Variants in NCF2 observed in about 807,000 individuals in gnomAD.
NCF2 encodes the protein neutrophil cytosolic factor 2, also known as neutrophil cytosol factor 2.
Under a neutral mutation model 70.9 loss-of-function variants are expected in NCF2, and 45 were observed. The observed-to-expected ratio is 0.63, with a 90% CI of 0.50 to 0.81. The LOEUF is 0.81. Among genes scored for constraint, NCF2 ranks in the 40% least tolerant of loss-of-function variants. The probability of loss-of-function intolerance (pLI) is 0.00; values close to 1 mark genes in which losing one functional copy is unlikely to be tolerated. For synonymous variants in NCF2, 203 were observed against 233.6 expected (o/e 0.87, Z 1.19); for missense variants, 522 against 631.6 (o/e 0.83, Z 1.86).
At chr1:183,578,172 C>A (rs1225121722) in intron 2 of NCF2, among the ~76,000 whole-genome samples, 1 of 152,100 alleles carries the variant, frequency 6.6e-6, no homozygotes, top group Non-Finnish European at 1.5e-5. Context: ...TTGGAGGGGC[C>A]CCTTCTTATA....
upstream of NCF2, among the ~76,000 whole-genome samples, chr1:183,593,964 A>G (rs1349321981): frequency 6.6e-6 from 1 of 152,242 alleles, no homozygotes; most frequent in African/African-American, 2.4e-5. Flanking sequence ...TTTCTCTACT[A>G]GACAGCATTG....
intron 14 of NCF2, among the ~76,000 whole-genome samples, chr1:183,557,045 A>G (rs902728224): frequency 7.2e-5 from 11 of 152,250 alleles, no homozygotes; most frequent in Admixed American, 3.9e-4. Context: ...GCTCCTACTC[A>G]GAGCCTTTAA....
chr1:183,565,749 C>T lies in NCF2; in HGVS notation c.955G>A (p.Ala319Thr), dbSNP rs1211226964. 3 of 1,613,010 alleles carry T rather than the reference C, an allele frequency of 1.9e-6. No homozygotes were observed. The highest frequency in any genetic ancestry group is 2.5e-6 in the Non-Finnish European group (3 of 1,180,026). Residue 319 changes from alanine (A) to threonine (T), a missense_variant, in exon 10 of 15, where the codon GCT becomes ACT. Transcript: ENST00000367535. ...EESSPQSDIP[A>T]PPSSKAPGRP... is the part of the protein sequence containing the mutation. ...CCAGGGGCTTTGGAACTAGGAGGAG[C>T]TGGGATGTCGGACTGCGGAGAGCTT...
chr1:183,590,446 C>T lies in NCF2; in HGVS notation c.-117G>A. The T allele has an allele frequency of 8.9e-7, 1 of 1,119,676 alleles. No individual in the cohort carries two copies. Among genetic ancestry groups the T allele is most frequent in the South Asian group, 1.3e-5 (1 of 77,564 alleles). 69.4% of individuals were successfully genotyped at this position (1,119,676 alleles called of 1,614,324 possible). A position where few individuals can be genotyped will look rare whatever the true frequency, so the allele number is the denominator to read the frequency against. The stretch of plus-strand genomic sequence containing the variant: ...CCCCCAAGGTGTTCACTTTCTGGGC[C>T]AGATGAGTAGAATGGGGCCCAGCCT... On this transcript the variant is annotated 5_prime_UTR_variant, in exon 1 of 15. Transcript: ENST00000367535.
chr1:183,556,292 G>T (rs866576144), intron 14 of NCF2, 62 bp from the exon 15 acceptor site: 2 of 1,420,628 alleles, frequency 1.4e-6, no homozygotes, highest in Admixed American at 1.7e-5. Flanking sequence ...ACCCTGTCTG[G>T]CTATTCCACA....
Position 183,556,020 on chromosome 1 carries a change from C to T in NCF2, c.*98G>A. On this transcript the variant is annotated 3_prime_UTR_variant, in exon 15 of 15. Transcript: ENST00000367535. ...GGAATAAATAGTTAACACTTCCAAACTGTAATGTCTCAGTACAGTATACAG... is the reference window on the plus strand; with the variant it reads ...GGAATAAATAGTTAACACTTCCAAATTGTAATGTCTCAGTACAGTATACAG... The T allele has an allele frequency of 9.9e-7, 1 of 1,005,300 alleles. No homozygotes were observed. The highest frequency in any genetic ancestry group is 1.6e-6 in the Non-Finnish European group (1 of 634,150). The allele number at this position is 1,005,300 out of a possible 1,614,324, so 62.3% of individuals were successfully genotyped here.
upstream of NCF2, chr1:183,590,596 G>A (rs1558109595): frequency 1.9e-6 from 1 of 520,336 alleles, no homozygotes; most frequent in Non-Finnish European, 3.5e-6. Flanking sequence ...GCGAGTAGGG[G>A]TGGAGTGTGG....
chr1:183,599,933 C>T, the NCF2 span, among the ~76,000 whole-genome samples: 1 of 152,104 alleles, frequency 6.6e-6, no homozygotes, highest in African/African-American at 2.4e-5. Context: ...AGATATTTGG[C>T]CAAGATATTC....
intron 14 of NCF2, among the ~76,000 whole-genome samples, chr1:183,559,848 G>A (rs1467354221): frequency 6.6e-6 from 1 of 152,136 alleles, no homozygotes; most frequent in Admixed American, 6.5e-5. Flanking sequence ...AACAGAGGGG[G>A]ACTCTGTCTC....
chr1:183,592,347 A>T (rs920508715), upstream of NCF2, among the ~76,000 whole-genome samples: 1 of 152,228 alleles, frequency 6.6e-6, no homozygotes, highest in African/African-American at 2.4e-5. Context: ...TTCAAAGCCC[A>T]GTTTAAATGT....
At chr1:183,588,984 G>A (rs1467924914) in intron 1 of NCF2, among the ~76,000 whole-genome samples, 1 of 152,236 alleles carries the variant, frequency 6.6e-6, no homozygotes, top group African/African-American at 2.4e-5. Flanking sequence ...AGAATGTGTG[G>A]TGCTGTTCAC....
At chr1:183,577,380 A>G (rs1373680731) in intron 3 of NCF2, among the ~76,000 whole-genome samples, 2 of 152,212 alleles carry the variant, frequency 1.3e-5, no homozygotes, top group African/African-American at 4.8e-5. Flanking sequence ...TCACATTAAT[A>G]AAATGTATGC....
the NCF2 span, among the ~76,000 whole-genome samples, chr1:183,599,485 T>TC: frequency 6.9e-4 from 39 of 56,388 alleles, no homozygotes; most frequent in African/African-American, 2.0e-3. Flanking sequence ...TTTCTTTCTC[T>TC]TTTCTTTCTT....
intron 1 of NCF2, among the ~76,000 whole-genome samples, 191 bp downstream of exon 1, chr1:183,589,965 C>T (rs1381194240): frequency 6.6e-6 from 1 of 152,136 alleles, no homozygotes; most frequent in East Asian, 1.9e-4. Context: ...TGCTCTCCAC[C>T]TGGAGAGCTT....
rs66977652 is a variant in NCF2, at chr1:183,571,080, TA to T, written c.610-242del. On this transcript the variant is annotated intron_variant, in intron 5 of 14. Coordinates refer to ENST00000367535, the MANE Select transcript of NCF2 (RefSeq NM_000433.4). ...TTCTCTCTTAAAAAAGAAATGTTTTTAATTGAGGTGCAATTTGTATAACATC... is the reference window on the plus strand; with the variant it reads ...TTCTCTCTTAAAAAAGAAATGTTTTTATTGAGGTGCAATTTGTATAACATC... Among the ~76,000 whole-genome samples, 67,610 of 149,368 alleles carry T rather than the reference TA, an allele frequency of 0.45. 15,749 individuals are homozygous for T. The highest frequency in any genetic ancestry group is 0.63 in the East Asian group (3,227 of 5,082).
intron 7 of NCF2, among the ~76,000 whole-genome samples, chr1:183,568,658 C>T (rs937320250): frequency 1.3e-5 from 2 of 150,410 alleles, no homozygotes; most frequent in East Asian, 1.9e-4. Flanking sequence ...AAAACATCCA[C>T]ACAGGAAAAA....
At chr1:183,564,610 T>C (rs984496728) in intron 10 of NCF2, among the ~76,000 whole-genome samples, 1 of 152,198 alleles carries the variant, frequency 6.6e-6, no homozygotes, top group Non-Finnish European at 1.5e-5. Flanking sequence ...GAAGTTTTTT[T>C]CTAAAATACA....
intron 10 of NCF2, 160 bp from the exon 11 acceptor site, chr1:183,564,190 ATC>A: frequency 2.6e-6 from 2 of 765,378 alleles, no homozygotes; most frequent in Non-Finnish European, 4.5e-6. Context: ...TGTGGGGAAA[ATC>A]TCGCCCTGGG....
chr1:183,556,065 A>G lies in NCF2; in HGVS notation c.*53T>C, dbSNP rs1671757006. On this transcript the variant is annotated 3_prime_UTR_variant, in exon 15 of 15. Transcript: ENST00000367535. ...ATACAGCAGAAGGGTGCTAAATCTT[A>G]CAAACAAGTAATAGGGCTTCATTTT... The G allele has an allele frequency of 6.8e-7, 1 of 1,463,138 alleles. No homozygotes were observed. Among genetic ancestry groups the G allele is most frequent in the East Asian group, 2.3e-5 (1 of 44,192 alleles). The allele number at this position is 1,463,138 out of a possible 1,614,324, so 90.6% of individuals were successfully genotyped here. A position where few individuals can be genotyped will look rare whatever the true frequency, so the allele number is the denominator to read the frequency against.
Sources: allele counts gnomAD v4.1 joint callset (sites outside exome capture counted in the v4.1 genomes callset), GRCh38; gene constraint gnomAD v4.1.1; transcripts MANE v1.5; gene names NCBI Gene and HGNC (gene_info 2026-07-23, HGNC 2026-07-21).